OR9Q1: variants seen among roughly 807,000 people sequenced by gnomAD.
OR9Q1 encodes the protein olfactory receptor family 9 subfamily Q member 1.
For missense variants in OR9Q1, 374 were observed against 378.8 expected, an observed-to-expected ratio of 0.99 and a Z score of 0.11; for synonymous variants, 153 against 148.6, an observed-to-expected ratio of 1.03 and a Z score of -0.22.
intron 2 of OR9Q1, among the ~76,000 whole-genome samples, chr11:58,100,067 TG>T (rs967369838): frequency 2.6e-4 from 40 of 152,306 alleles, no homozygotes; most frequent in African/African-American, 9.1e-4. Context: ...CTAGGTGGGC[TG>T]GGTTGGCTGG....
chr11:58,025,555 C>T (rs939218680), intron 1 of OR9Q1, among the ~76,000 whole-genome samples: 3 of 152,110 alleles, frequency 2.0e-5, no homozygotes, highest in African/African-American at 7.2e-5. Context: ...GACCCGAAGA[C>T]GTGTTGGGGC....
chr11:58,165,577 T>A (rs917939742), intron 2 of OR9Q1, among the ~76,000 whole-genome samples: 3 of 152,348 alleles, frequency 2.0e-5, no homozygotes, highest in Admixed American at 1.3e-4. Context: ...TTGTTTGATG[T>A]CTGTTTTCCC....
intron 2 of OR9Q1, among the ~76,000 whole-genome samples, chr11:58,101,872 G>A (rs984220508): frequency 1.3e-5 from 2 of 152,012 alleles, no homozygotes; most frequent in Admixed American, 6.6e-5. Flanking sequence ...TCAGCCTCCC[G>A]AGTAGCTGGG....
intron 2 of OR9Q1, among the ~76,000 whole-genome samples, chr11:58,062,049 A>G (rs908052807): frequency 1.3e-5 from 2 of 152,196 alleles, no homozygotes; most frequent in Non-Finnish European, 2.9e-5. Flanking sequence ...TATAGGTAGG[A>G]ATGGTGCAGG....
chr11:58,120,742 C>T (rs1263089537), intron 2 of OR9Q1, among the ~76,000 whole-genome samples: 7 of 149,816 alleles, frequency 4.7e-5, no homozygotes, highest in Non-Finnish European at 1.0e-4. Context: ...CCATTTAACC[C>T]GCATGAACTT....
At chr11:58,064,926 A>C (rs1302907001) in intron 2 of OR9Q1, among the ~76,000 whole-genome samples, 3 of 151,896 alleles carry the variant, frequency 2.0e-5, no homozygotes, top group African/African-American at 4.8e-5. Flanking sequence ...ACACACACAC[A>C]ACACACACGC....
At chr11:58,088,858 G>T (rs563653399) in intron 2 of OR9Q1, among the ~76,000 whole-genome samples, 1 of 151,396 alleles carries the variant, frequency 6.6e-6, no homozygotes, top group Non-Finnish European at 1.5e-5. Context: ...TGTCAATTTT[G>T]GCTTTTGTTG....
intron 2 of OR9Q1, among the ~76,000 whole-genome samples, chr11:58,070,688 T>A (rs1214668152): frequency 1.3e-5 from 2 of 152,190 alleles, no homozygotes; most frequent in Admixed American, 6.5e-5. Context: ...ACATGAGTCA[T>A]CTCTTGCCCT....
intron 2 of OR9Q1, among the ~76,000 whole-genome samples, chr11:58,135,126 A>T (rs1854177840): frequency 6.6e-6 from 1 of 152,152 alleles, no homozygotes; most frequent in South Asian, 2.1e-4. Context: ...CTGGCTGGGA[A>T]TTGACCCTGC....
chr11:58,107,816 G>A (rs1170829215), intron 2 of OR9Q1, among the ~76,000 whole-genome samples: 1 of 152,184 alleles, frequency 6.6e-6, no homozygotes, highest in Non-Finnish European at 1.5e-5. Context: ...CAATATAGAA[G>A]AGAGTATTAA....
chr11:58,035,235 T>G (rs1271905765), intron 1 of OR9Q1, among the ~76,000 whole-genome samples: 1 of 149,254 alleles, frequency 6.7e-6, no homozygotes, highest in Non-Finnish European at 1.5e-5. Flanking sequence ...GGTAGCCAGA[T>G]GCCCAGTCAC....
At chr11:58,179,343 A>C (rs988226024) in intron 2 of OR9Q1, 88 bp from the exon 3 acceptor site, 1 of 842,476 alleles carries the variant, frequency 1.2e-6, no homozygotes, top group East Asian at 2.5e-5. Context: ...TATTTTGTCC[A>C]CAGTACATTT....
At chr11:58,028,490 C>T (rs900085234) in intron 1 of OR9Q1, among the ~76,000 whole-genome samples, 3 of 152,122 alleles carry the variant, frequency 2.0e-5, no homozygotes, top group Non-Finnish European at 4.4e-5. Flanking sequence ...TAAATCTCAT[C>T]CTCTCCATGA....
At chr11:58,082,197 GGT>G (rs1471209348) in intron 2 of OR9Q1, among the ~76,000 whole-genome samples, 1 of 152,076 alleles carries the variant, frequency 6.6e-6, no homozygotes, top group Non-Finnish European at 1.5e-5. Context: ...TGTGGAAGTC[GGT>G]GTGGCAATTC....
chr11:58,141,148 A>G (rs4625485), intron 2 of OR9Q1, among the ~76,000 whole-genome samples: 54,903 of 152,006 alleles, frequency 0.36, 11,774 homozygotes, highest in East Asian at 0.65. Flanking sequence ...TAGATATACA[A>G]TCATGTCATC....
chr11:58,085,537 T>A (rs1327535939), intron 2 of OR9Q1, among the ~76,000 whole-genome samples: 12 of 151,850 alleles, frequency 7.9e-5, no homozygotes, highest in Admixed American at 7.9e-4. Context: ...TTTATGCCCG[T>A]TGAGCAAAAA....
At chr11:58,170,240 T>C (rs1480169260) in intron 2 of OR9Q1, among the ~76,000 whole-genome samples, 2 of 152,152 alleles carry the variant, frequency 1.3e-5, no homozygotes, top group Non-Finnish European at 2.9e-5. Context: ...TGGGGGGTAC[T>C]GGGACATTGA....
At chr11:58,089,736 CT>C (rs1853666676) in intron 2 of OR9Q1, among the ~76,000 whole-genome samples, 1 of 151,864 alleles carries the variant, frequency 6.6e-6, no homozygotes, top group African/African-American at 2.4e-5. Context: ...CTATAAATTA[CT>C]TTGGGCAGTA....
intron 1 of OR9Q1, among the ~76,000 whole-genome samples, chr11:58,028,479 C>G (rs886917926): frequency 2.6e-5 from 4 of 152,148 alleles, no homozygotes; most frequent in African/African-American, 9.7e-5. Flanking sequence ...CTGTTTGACT[C>G]TAAATCTCAT....
Sources: gnomAD v4.1 joint callset for allele counts (sites outside exome capture counted in the v4.1 genomes callset) on GRCh38, gnomAD v4.1.1 for gene constraint, MANE v1.5 for transcripts, NCBI Gene and HGNC (gene_info 2026-07-23, HGNC 2026-07-21) for gene names.